NACC2: variants seen among roughly 807,000 people sequenced by gnomAD.
The protein encoded by NACC2 is NACC family member 2.
A neutral mutation model predicts 25.1 loss-of-function variants in NACC2; 8 were observed. That is an observed-to-expected ratio of 0.32 (90% CI 0.19 to 0.57). The LOEUF (loss-of-function observed/expected upper bound fraction) is 0.57, where lower values mean the gene tolerates loss of function less well. Ranked by LOEUF, NACC2 falls within the 20% of genes least tolerant of loss-of-function variation. The pLI, the probability that NACC2 is intolerant of heterozygous loss-of-function variation, is 0.89. For synonymous variants in NACC2, 435 were observed against 294.7 expected (o/e 1.48, Z -4.88); for missense variants, 644 against 650.2 (o/e 0.99, Z 0.10).
rs570089903 is a variant in NACC2, at chr9:136,018,067, G to T, written c.887-1638C>A. Among the ~76,000 whole-genome samples, 3 of 152,166 alleles carry T rather than the reference G, an allele frequency of 2.0e-5. No homozygotes were observed. The highest frequency in any genetic ancestry group is 7.2e-5 in the African/African-American group (3 of 41,450). On this transcript the variant is annotated intron_variant, in intron 2 of 5. Transcript: ENST00000277554. This position sits in a 1 kb window ranked among gnomAD's most constrained non-coding sequence, Gnocchi z 4.4. ...CCTGCTGGTCTCAGCTGTGCAGAGG[G>T]AGGGGTGGGGTGGAACCTGCACGTC...
chr9:136,062,942 A>G (rs1414055750), intron 1 of NACC2, among the ~76,000 whole-genome samples: 1 of 152,204 alleles, frequency 6.6e-6, no homozygotes, highest in Non-Finnish European at 1.5e-5. Context: ...ATAAAATTAT[A>G]CGTTCACAGG....
rs936008940 is a variant in NACC2 at position 136,019,517 on chromosome 9, G to A, written c.887-3088C>T. On this transcript the variant is annotated intron_variant, in intron 2 of 5. Coordinates refer to ENST00000277554, the MANE Select transcript of NACC2 (RefSeq NM_144653.5). This position sits in a 1 kb window ranked among gnomAD's most constrained non-coding sequence, Gnocchi z 5.2. The stretch of plus-strand genomic sequence containing the variant: ...CCCTGTGAAGAAACTCAGGTGCCAG[G>A]ACGGTGCCCTCCAAACCTCTCAGCA... The A allele has an allele frequency of 6.6e-6, 1 of 152,326 alleles. No homozygotes were observed. Among genetic ancestry groups the A allele is most frequent in the Non-Finnish European group, 1.5e-5 (1 of 68,114 alleles). 9.4% of individuals were successfully genotyped at this position (152,326 alleles called of 1,614,324 possible). A position where few individuals can be genotyped will look rare whatever the true frequency, so the allele number is the denominator to read the frequency against.
intron 2 of NACC2, among the ~76,000 whole-genome samples, chr9:136,040,934 C>T (rs2131154211): frequency 6.7e-6 from 1 of 150,008 alleles, no homozygotes; most frequent in African/African-American, 2.5e-5. Context: ...GCACTCCAGC[C>T]CAGGCGACAG....
intron 1 of NACC2, among the ~76,000 whole-genome samples, chr9:136,067,216 G>C (rs1266045320): frequency 7.4e-6 from 1 of 135,558 alleles, no homozygotes; most frequent in Non-Finnish European, 1.5e-5. Flanking sequence ...ATCGCACCAA[G>C]ATCGCACACA....
Position 136,050,019 on chromosome 9 carries a change from G to C in NACC2, c.503C>G (p.Pro168Arg). ...TTCATGCTTTACTCGGGTCAGCAGC[G>C]GGATGGGCACCGAGGGGGACACGAC... ...PYVVSPSVPI[P>R]LLTRVKHEAM... The change falls in exon 2 of 6, where the codon CCG becomes CGG. Residue 168 changes from proline (P) to arginine (R), a missense_variant. By Grantham distance (103) the Pro-to-Arg change is moderately radical. Coordinates refer to ENST00000277554, the MANE Select transcript of NACC2 (RefSeq NM_144653.5). 1 of 694,388 alleles carries C rather than the reference G, an allele frequency of 1.4e-6. No homozygotes were observed. Among genetic ancestry groups the C allele is most frequent in the Admixed American group, 2.0e-5 (1 of 50,092 alleles). The allele number at this position is 694,388 out of a possible 1,614,324, so 43.0% of individuals were successfully genotyped here.
intron 1 of NACC2, among the ~76,000 whole-genome samples, chr9:136,077,716 C>T (rs1830278100): frequency 6.6e-6 from 1 of 152,106 alleles, no homozygotes; most frequent in Non-Finnish European, 1.5e-5. Flanking sequence ...GCGAGGGGAC[C>T]CCAAGGACTC....
chr9:136,038,501 C>T (rs999363058), intron 2 of NACC2, among the ~76,000 whole-genome samples: 3 of 152,184 alleles, frequency 2.0e-5, no homozygotes, highest in Non-Finnish European at 4.4e-5. Flanking sequence ...GATCGTGCCA[C>T]TGCATTCCAG....
chr9:136,039,704 G>C (rs1390482150), intron 2 of NACC2, among the ~76,000 whole-genome samples: 1 of 152,072 alleles, frequency 6.6e-6, no homozygotes, highest in African/African-American at 2.4e-5. Context: ...TACACCATAT[G>C]AACAAAACTA....
intron 1 of NACC2, among the ~76,000 whole-genome samples, chr9:136,058,539 C>T (rs1381279919): frequency 6.6e-6 from 1 of 152,176 alleles, no homozygotes; most frequent in Admixed American, 6.5e-5. Flanking sequence ...ATGTTGGATA[C>T]ACACGGACAT....
At chr9:136,092,282 C>T (rs1312625074) in intron 1 of NACC2, among the ~76,000 whole-genome samples, 2 of 152,172 alleles carry the variant, frequency 1.3e-5, no homozygotes, top group South Asian at 2.1e-4. Flanking sequence ...AGACACTCAC[C>T]GCCGGGGAGC....
chr9:136,055,654 T>G lies in NACC2; in HGVS notation c.-59-5074A>C, dbSNP rs1253999643. 6.6e-6 allele frequency among the ~76,000 whole-genome samples: 1 copy of G among 152,216 alleles called. No individual in the cohort carries two copies. Among genetic ancestry groups the G allele is most frequent in the East Asian group, 1.9e-4 (1 of 5,198 alleles). ...GGGAAGGGAGGCGAGAAAAATTAAA[T>G]TAAATTAAATTATCTTGCAGGATTT... On this transcript the variant is annotated intron_variant, in intron 1 of 5. Coordinates refer to ENST00000277554, the MANE Select transcript of NACC2 (RefSeq NM_144653.5). The surrounding 1 kb of genome is among the most constrained non-coding windows in gnomAD (Gnocchi z 4.9).
At chr9:136,014,946 G>T (rs1029286491) in intron 3 of NACC2, among the ~76,000 whole-genome samples, 9 of 151,894 alleles carry the variant, frequency 5.9e-5, no homozygotes, top group Non-Finnish European at 1.0e-4. Context: ...AATGCTTTCT[G>T]GGGGCAGCCA....
At chr9:136,089,091 G>A (rs1169652869) in intron 1 of NACC2, among the ~76,000 whole-genome samples, 1 of 152,222 alleles carries the variant, frequency 6.6e-6, no homozygotes, top group African/African-American at 2.4e-5. Flanking sequence ...CAGCCCCGCT[G>A]CCAACCACCT....
intron 1 of NACC2, among the ~76,000 whole-genome samples, chr9:136,078,928 G>A (rs1013524613): frequency 1.6e-4 from 24 of 152,246 alleles, no homozygotes; most frequent in African/African-American, 5.8e-4. Context: ...CCATCCCCAC[G>A]GGGAGCAGAT....
intron 2 of NACC2, among the ~76,000 whole-genome samples, chr9:136,032,833 T>G (rs1023524671): frequency 7.9e-5 from 12 of 151,818 alleles, no homozygotes; most frequent in Non-Finnish European, 1.5e-5. Flanking sequence ...CTGGCCAACA[T>G]GGTGAAACCC....
intron 1 of NACC2, among the ~76,000 whole-genome samples, chr9:136,067,346 A>G (rs1841097368): frequency 6.6e-6 from 1 of 151,954 alleles, no homozygotes; most frequent in Admixed American, 6.6e-5. Flanking sequence ...AATGAGAATG[A>G]CTACTAAAGG....
rs978810305 is a variant in NACC2, at chr9:136,010,552, A to G, written c.*964T>C. 6.6e-6 allele frequency: 1 copy of G among 152,162 alleles called. No homozygotes were observed. The highest frequency in any genetic ancestry group is 2.4e-5 in the African/African-American group (1 of 41,420). The allele number at this position is 152,162 out of a possible 1,614,324, so 9.4% of individuals were successfully genotyped here. ...GGCCACAGATGACCCACCCCAAGCCATGGTGGGCTGGGGACAGGGACACCC... is the reference window on the plus strand; with the variant it reads ...GGCCACAGATGACCCACCCCAAGCCGTGGTGGGCTGGGGACAGGGACACCC... On this transcript the variant is annotated 3_prime_UTR_variant, in exon 6 of 6. Transcript: ENST00000277554. The surrounding 1 kb of genome is among the most constrained non-coding windows in gnomAD (Gnocchi z 4.9).
rs1355020512 is a variant in NACC2 at position 136,049,706 on chromosome 9, G to C, written c.816C>G (p.Asp272Glu). The C allele has an allele frequency of 1.3e-6, 1 of 779,416 alleles. No individual in the cohort carries two copies. Among genetic ancestry groups the C allele is most frequent in the Admixed American group, 1.7e-5 (1 of 58,998 alleles). The allele number at this position is 779,416 out of a possible 1,614,324, so 48.3% of individuals were successfully genotyped here. Reference protein sequence around the residue: ...SYHNEEDEEDDEAYDTMVEEQ... With the variant: ...SYHNEEDEEDEEAYDTMVEEQ... ...CCTCCACCATGGTGTCGTAGGCCTC[G>C]TCGTCCTCCTCGTCCTCCTCGTTGT... Residue 272 changes from aspartate to glutamate, a missense_variant, in exon 2 of 6, where the codon GAC (aspartate) becomes GAG (glutamate). Physicochemically the swap from Asp to Glu is conservative, Grantham distance 45. Transcript: ENST00000277554.
chr9:136,075,182 G>A (rs958009228), intron 1 of NACC2, among the ~76,000 whole-genome samples: 2 of 152,218 alleles, frequency 1.3e-5, no homozygotes, highest in Non-Finnish European at 2.9e-5. Context: ...AGGCTGCAAC[G>A]CCCCCCACAC....
Sources: allele counts gnomAD v4.1 joint callset (sites outside exome capture counted in the v4.1 genomes callset), GRCh38; gene constraint gnomAD v4.1.1; non-coding constraint Gnocchi (gnomAD v3.1); transcripts MANE v1.5; gene names NCBI Gene and HGNC (gene_info 2026-07-23, HGNC 2026-07-21).